Variants in PTGIS observed in about 807,000 individuals in gnomAD.
The protein encoded by PTGIS is prostaglandin I2 synthase.
PTGIS carries 45 observed loss-of-function variants against 50.3 expected under a neutral mutation model. That is an observed-to-expected ratio of 0.90 (90% CI 0.70 to 1.15). PTGIS has a LOEUF of 1.15. Among genes scored for constraint, PTGIS ranks in the 50% most tolerant of loss-of-function variants. The pLI, the probability that PTGIS is intolerant of heterozygous loss-of-function variation, is 0.00. For missense variants in PTGIS, 668 were observed against 661.3 expected (o/e 1.01, Z -0.11); for synonymous variants, 260 against 267.7 (o/e 0.97, Z 0.28).
intron 1 of PTGIS, among the ~76,000 whole-genome samples, chr20:49,553,844 G>A (rs915282971): frequency 1.3e-4 from 20 of 152,026 alleles, no homozygotes; most frequent in African/African-American, 4.1e-4. Flanking sequence ...GATCATTTAC[G>A]AAAGAGAGAT....
intron 9 of PTGIS, 90 bp downstream of exon 9, chr20:49,510,938 C>T: frequency 7.8e-7 from 1 of 1,290,210 alleles, no homozygotes; most frequent in Non-Finnish European, 1.1e-6. Context: ...AAACCATTCT[C>T]CTGGCTGAGC....
At chr20:49,547,643 C>G (rs1370905356) in intron 3 of PTGIS, among the ~76,000 whole-genome samples, 198 bp downstream of exon 3, 1 of 145,306 alleles carries the variant, frequency 6.9e-6, no homozygotes, top group Non-Finnish European at 1.5e-5. Flanking sequence ...ACAAAAAAAC[C>G]CGCCAGAGAT....
intron 5 of PTGIS, among the ~76,000 whole-genome samples, chr20:49,538,344 G>A (rs569758579): frequency 1.0e-4 from 15 of 149,244 alleles, no homozygotes; most frequent in South Asian, 6.4e-4. Flanking sequence ...CAGGAGGATC[G>A]CTTGAGCCCA....
Position 49,523,996 on chromosome 20 carries a change from T to C in PTGIS, c.855+62A>G, listed in dbSNP as rs11905258. ...AGGTGCACAGACATGCACACACACA[T>C]GCGTTCATATCGCAACCACACATGC... On this transcript the variant is annotated intron_variant, in intron 6 of 9. Coordinates refer to ENST00000244043, the MANE Select transcript of PTGIS (RefSeq NM_000961.4). 6.7e-3 allele frequency: 10,721 copies of C among 1,588,364 alleles called. 404 individuals carry two copies. In the African/African-American group the frequency reaches 0.099, roughly 15 times the overall value.
chr20:49,544,523 A>G lies in PTGIS; in HGVS notation c.378-75T>C, dbSNP rs2122883329. 4 of 1,556,492 alleles carry G rather than the reference A, an allele frequency of 2.6e-6. No homozygotes were observed. In the East Asian group the frequency reaches 9.0e-5, roughly 35 times the overall value. On this transcript the variant is annotated intron_variant, in intron 3 of 9. Transcript: ENST00000244043. ...ACACCTACAGGCACCTCCCTCCCCA[A>G]ACCTAAGGGTCCCAGAGCTCAAGCT...
At chr20:49,532,033 C>T (rs1205333646) in intron 5 of PTGIS, among the ~76,000 whole-genome samples, 2 of 152,124 alleles carry the variant, frequency 1.3e-5, no homozygotes, top group East Asian at 1.9e-4. Flanking sequence ...GCGGCTGGCT[C>T]GAATGCAGCC....
At chr20:49,564,972 C>G (rs370212774) in intron 1 of PTGIS, among the ~76,000 whole-genome samples, 2 of 136,094 alleles carry the variant, frequency 1.5e-5, no homozygotes, top group African/African-American at 5.4e-5. Flanking sequence ...CTTGTTTGCC[C>G]TTTTTTTTTT....
In PTGIS at chr20:49,507,672, G is replaced by A; in HGVS notation, c.*248C>T. 3.5e-6 allele frequency: 2 copies of A among 575,518 alleles called. No individual in the cohort carries two copies. The highest frequency in any genetic ancestry group is 6.1e-5 in the East Asian group (2 of 32,970). 35.7% of individuals were successfully genotyped at this position (575,518 alleles called of 1,614,324 possible). The stretch of plus-strand genomic sequence containing the variant: ...AGGTGAGAGTAACGAGGTGAATTGG[G>A]AGCAGACAAAGCCTGATTTTGGAAA... On this transcript the variant is annotated 3_prime_UTR_variant, in exon 10 of 10. Coordinates refer to ENST00000244043, the MANE Select transcript of PTGIS (RefSeq NM_000961.4).
At chr20:49,566,973 C>A (rs1031843665) in intron 1 of PTGIS, among the ~76,000 whole-genome samples, 3 of 152,126 alleles carry the variant, frequency 2.0e-5, no homozygotes, top group African/African-American at 4.8e-5. Flanking sequence ...AATACAGGAA[C>A]TTTTTGTACT....
chr20:49,546,961 G>A (rs868051967), intron 3 of PTGIS, among the ~76,000 whole-genome samples: 1 of 152,364 alleles, frequency 6.6e-6, no homozygotes, highest in Middle Eastern at 3.4e-3. Flanking sequence ...GCTGGGCATG[G>A]TGGCTCATGC....
intron 1 of PTGIS, among the ~76,000 whole-genome samples, chr20:49,567,024 A>G (rs1982916494): frequency 6.6e-6 from 1 of 152,198 alleles, no homozygotes; most frequent in African/African-American, 2.4e-5. Flanking sequence ...AGTCTCAAAT[A>G]AAAAGTATAT....
intron 4 of PTGIS, among the ~76,000 whole-genome samples, chr20:49,541,564 T>G (rs1982230217): frequency 6.6e-6 from 1 of 152,028 alleles, no homozygotes; most frequent in Non-Finnish European, 1.5e-5. Flanking sequence ...AAACCCCCTC[T>G]CTACTAAAAA....
At position 49,506,973 on chromosome 20, in the gene PTGIS, G is replaced by A. The variant is rs1238699490; in HGVS notation, c.*947C>T. On this transcript the variant is annotated 3_prime_UTR_variant, in exon 10 of 10. Coordinates refer to ENST00000244043, the MANE Select transcript of PTGIS (RefSeq NM_000961.4). ...CAGATATACCAAGTTTTCAAGAGAA[G>A]CTGGACATTTTGAATGAACTCTCCC... is the stretch of plus-strand genomic sequence containing the variant. 6.6e-6 allele frequency: 1 copy of A among 152,224 alleles called. No homozygotes were observed. The highest frequency in any genetic ancestry group is 6.5e-5 in the Admixed American group (1 of 15,282). The allele number at this position is 152,224 out of a possible 1,614,324, so 9.4% of individuals were successfully genotyped here. A position where few individuals can be genotyped will look rare whatever the true frequency, so the allele number is the denominator to read the frequency against.
At chr20:49,557,099 C>T (rs1051277196) in intron 1 of PTGIS, among the ~76,000 whole-genome samples, 5 of 152,066 alleles carry the variant, frequency 3.3e-5, no homozygotes, top group Admixed American at 3.3e-4. Flanking sequence ...TGCTTACTTC[C>T]TCCTTTTTTC....
chr20:49,561,242 C>A (rs1451630765), intron 1 of PTGIS, among the ~76,000 whole-genome samples: 2 of 151,836 alleles, frequency 1.3e-5, no homozygotes, highest in Non-Finnish European at 2.9e-5. Flanking sequence ...TGGGACAGCT[C>A]GTGGGCAGGA....
At chr20:49,531,711 C>T (rs550691894) in intron 5 of PTGIS, among the ~76,000 whole-genome samples, 21 of 152,180 alleles carry the variant, frequency 1.4e-4, no homozygotes, top group Admixed American at 3.9e-4. Context: ...ACTGCACCCT[C>T]AACCTCCTGG....
chr20:49,524,020 G>A (rs1303525461), intron 6 of PTGIS, 38 bp downstream of exon 6: 3 of 1,611,664 alleles, frequency 1.9e-6, no homozygotes, highest in Admixed American at 3.3e-5. Context: ...AACCACACAT[G>A]CACACCTGCA....
At chr20:49,518,460 GA>G (rs1568670767) in intron 6 of PTGIS, among the ~76,000 whole-genome samples, 1 of 152,120 alleles carries the variant, frequency 6.6e-6, no homozygotes, top group Non-Finnish European at 1.5e-5. Context: ...AATATTAGTA[GA>G]AAAACTGGGG....
intron 1 of PTGIS, among the ~76,000 whole-genome samples, chr20:49,566,854 G>A (rs926461206): frequency 6.6e-6 from 1 of 152,190 alleles, no homozygotes; most frequent in Non-Finnish European, 1.5e-5. Flanking sequence ...ATAAAATCCC[G>A]TGAAGTTTGA....
Sources: allele counts gnomAD v4.1 joint callset (sites outside exome capture counted in the v4.1 genomes callset), GRCh38; gene constraint gnomAD v4.1.1; transcripts MANE v1.5; gene names NCBI Gene and HGNC (gene_info 2026-07-23, HGNC 2026-07-21).